The following BMPR1A variants were observed in gnomAD, a reference collection of about 807,000 sequenced individuals.
BMPR1A encodes bone morphogenetic protein receptor type-1A.
A neutral mutation model predicts 66.0 loss-of-function variants in BMPR1A; 7 were observed. The ratio of observed to expected loss-of-function variants is 0.11; its 90% CI spans 0.06 to 0.20. BMPR1A has a LOEUF of 0.20. Among genes scored for constraint, BMPR1A ranks in the 10% least tolerant of loss-of-function variants. The pLI is 1.00. For synonymous variants in BMPR1A, 200 were observed against 229.7 expected (o/e 0.87, Z 1.17); for missense variants, 408 against 669.1 (o/e 0.61, Z 4.31).
At chr10:86,826,256 A>C (rs1393945504) in intron 1 of BMPR1A, among the ~76,000 whole-genome samples, 1 of 152,204 alleles carries the variant, frequency 6.6e-6, no homozygotes, top group Non-Finnish European at 1.5e-5. Flanking sequence ...AATATTATCT[A>C]ACATGTGATC....
At chr10:86,928,863 C>T (rs1362417542), downstream of BMPR1A, 3 of 152,022 alleles carry the variant, frequency 2.0e-5, no homozygotes, top group East Asian at 1.9e-4. Flanking sequence ...CATGTTGGCC[C>T]AGGCTGGTCT....
intron 8 of BMPR1A, among the ~76,000 whole-genome samples, chr10:86,913,248 G>A (rs10887671): frequency 0.15 from 22,006 of 150,458 alleles, 2,574 homozygotes; most frequent in East Asian, 0.66. Context: ...CTCAGCCTCC[G>A]AAGTAGCTGG....
At chr10:86,858,931 T>C (rs566201474) in intron 2 of BMPR1A, among the ~76,000 whole-genome samples, 17 of 152,142 alleles carry the variant, frequency 1.1e-4, no homozygotes, top group Non-Finnish European at 2.4e-4. Context: ...AATCCTAAAA[T>C]TAATATAGGA....
intron 2 of BMPR1A, among the ~76,000 whole-genome samples, chr10:86,852,987 A>C (rs1287523762): frequency 6.6e-6 from 1 of 152,242 alleles, no homozygotes; most frequent in African/African-American, 2.4e-5. Context: ...GTTGTTTTTT[A>C]TGAAAGGCTA....
chr10:86,897,291 A>G (rs1405781020), intron 5 of BMPR1A, among the ~76,000 whole-genome samples: 1 of 152,210 alleles, frequency 6.6e-6, no homozygotes, highest in African/African-American at 2.4e-5. Flanking sequence ...ACTTGGGCAG[A>G]GGGTACGGGT....
intron 7 of BMPR1A, among the ~76,000 whole-genome samples, chr10:86,911,965 A>AT (rs538756599): frequency 1.4e-3 from 218 of 152,226 alleles, no homozygotes; most frequent in African/African-American, 4.9e-3. Flanking sequence ...TTGAAGTCGT[A>AT]TTTTTTTATA....
At chr10:86,769,300 TA>T (rs970301700) in intron 1 of BMPR1A, among the ~76,000 whole-genome samples, 1 of 152,186 alleles carries the variant, frequency 6.6e-6, no homozygotes, top group African/African-American at 2.4e-5. Context: ...TTCTACCTAC[TA>T]GGGAGGCTGA....
intron 12 of BMPR1A, 41 bp downstream of exon 12, chr10:86,923,547 G>T (rs193047599): frequency 6.2e-7 from 1 of 1,614,212 alleles, no homozygotes; most frequent in African/African-American, 1.3e-5. Context: ...ATTCGTAAAT[G>T]CCACCAAATA....
intron 1 of BMPR1A, among the ~76,000 whole-genome samples, chr10:86,826,100 C>T (rs1334109681): frequency 6.6e-6 from 1 of 151,344 alleles, no homozygotes; most frequent in Non-Finnish European, 1.5e-5. Flanking sequence ...GACATATATA[C>T]TTTTTTTATT....
At chr10:86,833,967 C>T (rs1725228318) in intron 1 of BMPR1A, among the ~76,000 whole-genome samples, 1 of 152,222 alleles carries the variant, frequency 6.6e-6, no homozygotes, top group Admixed American at 6.5e-5. Context: ...AATGCTGCTG[C>T]TGTTCTTGAT....
At position 86,921,595 on chromosome 10, in the gene BMPR1A, C is replaced by T. The variant is rs767296986; in HGVS notation, c.1242C>T (p.Asp414=). 8.7e-6 allele frequency: 14 copies of T among 1,614,034 alleles called. No individual in the cohort carries two copies. Among genetic ancestry groups the T allele is most frequent in the African/African-American group, 2.7e-5 (2 of 74,916 alleles). ...TKRYMAPEVL[D]ESLNKNHFQP... Reference sequence around the variant, plus strand: ...GCTACATGGCTCCCGAAGTGCTGGACGAAAGCCTGAACAAAAACCACTTCC... The same window carrying T: ...GCTACATGGCTCCCGAAGTGCTGGATGAAAGCCTGAACAAAAACCACTTCC... Residue 414 remains aspartate, a synonymous_variant, in exon 11 of 13, where the codon GAC becomes GAT. Transcript: ENST00000372037.
intron 7 of BMPR1A, among the ~76,000 whole-genome samples, chr10:86,908,620 A>G (rs763998218): frequency 6.6e-6 from 1 of 152,178 alleles, no homozygotes; most frequent in Non-Finnish European, 1.5e-5. Context: ...TTCAGCTCTT[A>G]CCACGTCATT....
rs531064927 is a variant in BMPR1A at position 86,810,090 on chromosome 10, C to T, written c.-267-28775C>T. On this transcript the variant is annotated intron_variant, in intron 1 of 12. Transcript: ENST00000372037. ...GGTTCAAGCGATTCTTGTGTCTCAGCTTCCCGAGTAGCTGAGATTACAGGC... is the reference window on the plus strand; with the variant it reads ...GGTTCAAGCGATTCTTGTGTCTCAGTTTCCCGAGTAGCTGAGATTACAGGC... Among the ~76,000 whole-genome samples the T allele has an allele frequency of 2.0e-5, 3 of 152,134 alleles. No individual in the cohort carries two copies. In the East Asian group the frequency reaches 5.8e-4, roughly 29 times the overall value.
chr10:86,877,249 C>T (rs899021892), intron 3 of BMPR1A, among the ~76,000 whole-genome samples: 1 of 150,632 alleles, frequency 6.6e-6, no homozygotes, highest in Non-Finnish European at 1.5e-5. Flanking sequence ...GCTCTGTCAC[C>T]GAGGCTGGAG....
intron 1 of BMPR1A, among the ~76,000 whole-genome samples, chr10:86,819,294 T>C (rs551279911): frequency 2.0e-5 from 3 of 152,164 alleles, no homozygotes; most frequent in Non-Finnish European, 4.4e-5. Flanking sequence ...TTATACAGAA[T>C]TTGAGATCTT....
At chr10:86,822,850 G>A (rs1201932035) in intron 1 of BMPR1A, among the ~76,000 whole-genome samples, 3 of 151,764 alleles carry the variant, frequency 2.0e-5, no homozygotes, top group African/African-American at 7.3e-5. Flanking sequence ...GGCTGGTCTC[G>A]AACTCCTGAC....
intron 2 of BMPR1A, among the ~76,000 whole-genome samples, chr10:86,847,711 AAGC>A (rs1311513853): frequency 6.6e-6 from 1 of 151,700 alleles, no homozygotes; most frequent in African/African-American, 2.4e-5. Context: ...AAGATTATGT[AAGC>A]AGCCTATTAA....
At position 86,892,355 on chromosome 10, in the gene BMPR1A, G is replaced by A; in HGVS notation, c.333+126G>A. ...TGTTCACATCAGTAAATATATTGGA[G>A]GAATACCTACTGTCTAGATTCTGTC... On this transcript the variant is annotated intron_variant, in intron 5 of 12. Transcript: ENST00000372037. The A allele has an allele frequency of 5.6e-6, 4 of 712,772 alleles. No individual in the cohort carries two copies. In the South Asian group the frequency reaches 6.5e-5, roughly 12 times the overall value. 44.2% of individuals were successfully genotyped at this position (712,772 alleles called of 1,614,324 possible).
At chr10:86,840,563 C>A (rs556972545) in intron 2 of BMPR1A, among the ~76,000 whole-genome samples, 37 of 151,892 alleles carry the variant, frequency 2.4e-4, no homozygotes, top group African/African-American at 8.7e-4. Context: ...TCATGATTTC[C>A]GCAATTATCT....
Sources: allele counts gnomAD v4.1 joint callset (sites outside exome capture counted in the v4.1 genomes callset), GRCh38; gene constraint gnomAD v4.1.1; transcripts MANE v1.5; gene names NCBI Gene and HGNC (gene_info 2026-07-23, HGNC 2026-07-21).